The following SFTPC variants were observed in gnomAD, a reference collection of about 807,000 sequenced individuals.
SFTPC encodes the protein BRICHOS domain containing 6.
In SFTPC, 12 loss-of-function variants were observed where a neutral mutation model predicts 19.9. That is an observed-to-expected ratio of 0.60 (90% confidence interval 0.39 to 0.98). SFTPC has a LOEUF of 0.98. SFTPC is among the 50% of genes least tolerant of loss of function. The pLI, the probability that SFTPC is intolerant of heterozygous loss-of-function variation, is 0.00. For missense variants in SFTPC, 219 were observed against 252.2 expected (o/e 0.87, Z 0.89); for synonymous variants, 123 against 103.3 (o/e 1.19, Z -1.16).
upstream of SFTPC, chr8:22,158,928 C>T (rs1416165564): frequency 2.0e-5 from 3 of 152,238 alleles, no homozygotes; most frequent in African/African-American, 7.2e-5. Flanking sequence ...TCCTTTCTTT[C>T]CCAGGGCCCG....
Position 22,163,213 on chromosome 8 carries a change from C to T in SFTPC, c.324+11C>T. 1 of 1,614,132 alleles carries T rather than the reference C, an allele frequency of 6.2e-7. No individual in the cohort carries two copies. The highest frequency in any genetic ancestry group is 8.5e-7 in the Non-Finnish European group (1 of 1,180,004). ...TATGACTACCAGCAGGTGGGTATGC[C>T]CAGACCTCCTGACCCTGGGACCAAT... is the stretch of plus-strand genomic sequence containing the variant. On this transcript the variant is annotated intron_variant, in intron 3 of 5. Coordinates refer to ENST00000679463, the MANE Select transcript of SFTPC (RefSeq NM_001317778.2).
intron 2 of SFTPC, 32 bp downstream of exon 2, chr8:22,162,764 C>G (rs761336558): frequency 1.2e-6 from 2 of 1,613,158 alleles, no homozygotes; most frequent in Non-Finnish European, 1.7e-6. Context: ...GCAGTGGGCA[C>G]AGGACATGCC....
At chr8:22,161,946 C>T (rs1827746557) in intron 1 of SFTPC, 76 bp downstream of exon 1, 1 of 1,435,378 alleles carries the variant, frequency 7.0e-7, no homozygotes, top group Non-Finnish European at 9.8e-7. Context: ...CTCTATCCTC[C>T]CTGGCCTGTT....
upstream of SFTPC, among the ~76,000 whole-genome samples, chr8:22,159,299 TAAATA>T (rs1426457848): frequency 6.6e-6 from 1 of 151,902 alleles, no homozygotes; most frequent in Non-Finnish European, 1.5e-5. Context: ...AATAATTAAA[TAAATA>T]AAATAAAAAT....
Position 22,163,614 on chromosome 8 carries a change from G to C in SFTPC, c.435+68G>C, listed in dbSNP as rs1210180208. ...GGGCTGCTGGGAGGAGTGTCCGAAT[G>C]GTGGCTATTTGTCACCTGTAAAGCA... On this transcript the variant is annotated intron_variant, in intron 4 of 5. Transcript: ENST00000679463. 5.3e-6 allele frequency: 6 copies of C among 1,130,196 alleles called. No individual in the cohort carries two copies. The Admixed American group carries it at 5.3e-5, about 10-fold the overall frequency. The allele number at this position is 1,130,196 out of a possible 1,614,324, so 70.0% of individuals were successfully genotyped here. A position where few individuals can be genotyped will look rare whatever the true frequency, so the allele number is the denominator to read the frequency against.
At position 22,164,326 on chromosome 8, in the gene SFTPC, T is replaced by C. The variant is rs1393256438; in HGVS notation, c.*79T>C. 6.5e-7 allele frequency: 1 copy of C among 1,536,154 alleles called. No individual in the cohort carries two copies. Among genetic ancestry groups the C allele is most frequent in the Non-Finnish European group, 8.7e-7 (1 of 1,146,906 alleles). Reference sequence around the variant, plus strand: ...CGGGCAAAGGGTCTTTTGCAGCTTTTGCAGACGGGCAAGAAGCTGCTTCTG... The same window carrying C: ...CGGGCAAAGGGTCTTTTGCAGCTTTCGCAGACGGGCAAGAAGCTGCTTCTG... On this transcript the variant is annotated 3_prime_UTR_variant, in exon 6 of 6. Transcript: ENST00000679463.
upstream of SFTPC, chr8:22,159,577 A>C (rs1184855000): frequency 7.9e-6 from 3 of 379,994 alleles, no homozygotes; most frequent in Admixed American, 3.5e-5. Flanking sequence ...GAAGGAGAAG[A>C]AGCAGCAGCA....
At chr8:22,161,607 A>G (rs1827721190), upstream of SFTPC, 1 of 1,430,120 alleles carries the variant, frequency 7.0e-7, no homozygotes, top group Non-Finnish European at 9.3e-7. Flanking sequence ...TGGGGCCAAG[A>G]GGACTCATGT....
upstream of SFTPC, chr8:22,159,838 GGCTCAGGCCCAGT>G: frequency 7.8e-7 from 1 of 1,289,500 alleles, no homozygotes; most frequent in Non-Finnish European, 1.0e-6. Context: ...CTGCCCACCT[GGCTCAGGCCCAGT>G]ACTCGTGAGT....
chr8:22,163,921 G>A lies in SFTPC; in HGVS notation c.456G>A (p.Thr152=). The part of the protein sequence containing the change: ...HNFQAKPAVP[T]SKLGQAEGRD... ...TGCAGGCCAAGCCCGCAGTGCCTAC[G>A]TCTAAGCTGGGCCAGGCAGAGGGGC... The change falls in exon 5 of 6, where the codon ACG becomes ACA. Residue 152 remains threonine, a synonymous_variant. Coordinates refer to ENST00000679463, the MANE Select transcript of SFTPC (RefSeq NM_001317778.2). The A allele has an allele frequency of 6.2e-7, 1 of 1,613,940 alleles. No individual in the cohort carries two copies. Among genetic ancestry groups the A allele is most frequent in the Non-Finnish European group, 8.5e-7 (1 of 1,180,020 alleles).
At chr8:22,162,860 A>C (rs1346456306) in intron 2 of SFTPC, 128 bp downstream of exon 2, 1 of 1,399,608 alleles carries the variant, frequency 7.1e-7, no homozygotes, top group Non-Finnish European at 1.0e-6. Flanking sequence ...CTAGAAGGAA[A>C]GAGGCACGAA....
At chr8:22,158,146 A>G (rs1488895402), upstream of SFTPC, among the ~76,000 whole-genome samples, 1 of 152,200 alleles carries the variant, frequency 6.6e-6, no homozygotes. Context: ...CTTTTTGCAC[A>G]CCAGTCCAGG....
rs1042235353 is a variant in SFTPC, at chr8:22,163,933, C to T, written c.468C>T (p.Gly156=). ...CCGCAGTGCCTACGTCTAAGCTGGG[C>T]CAGGCAGAGGGGCGAGATGCAGGCT... ...AKPAVPTSKL[G]QAEGRDAGSA... Residue 156 remains glycine (G), a synonymous_variant, in exon 5 of 6, where the codon GGC becomes GGT. Transcript: ENST00000679463. 6.2e-7 allele frequency: 1 copy of T among 1,613,856 alleles called. No individual in the cohort carries two copies. Among genetic ancestry groups the T allele is most frequent in the Non-Finnish European group, 8.5e-7 (1 of 1,180,026 alleles).
chr8:22,163,964 C>T lies in SFTPC; in HGVS notation c.499C>T (p.Pro167Ser). ...AGAGGGGCGAGATGCAGGCTCAGCACCCTCCGGAGGGGACCCGGCCTTCCT... is the reference window on the plus strand; with the variant it reads ...AGAGGGGCGAGATGCAGGCTCAGCATCCTCCGGAGGGGACCCGGCCTTCCT... ...QAEGRDAGSA[P>S]SGGDPAFLGM... is the part of the protein sequence containing the mutation. The change falls in exon 5 of 6, where the codon CCC (proline) becomes TCC (serine). Residue 167 changes from proline (P) to serine (S), a missense_variant. Transcript: ENST00000679463. 1.2e-6 allele frequency: 2 copies of T among 1,613,304 alleles called. No homozygotes were observed. Among genetic ancestry groups the T allele is most frequent in the Admixed American group, 1.7e-5 (1 of 60,038 alleles).
chr8:22,164,060 G>A lies in SFTPC; in HGVS notation c.*18+1G>A, dbSNP rs752095125. ...CATCTAGGACGCCTCCGGTGAGCAG[G>A]TGTGATCCCAGGGCCCCTGATCAGC... On this transcript the variant is annotated splice_donor_variant, in intron 5 of 5. Transcript: ENST00000679463. LOFTEE classifies it low-confidence loss of function (3UTR_SPLICE). 1 of 1,611,760 alleles carries A rather than the reference G, an allele frequency of 6.2e-7. No individual in the cohort carries two copies. Among genetic ancestry groups the A allele is most frequent in the Non-Finnish European group, 8.5e-7 (1 of 1,179,990 alleles).
upstream of SFTPC, chr8:22,157,477 G>A (rs978857003): frequency 6.5e-6 from 1 of 154,616 alleles, no homozygotes; most frequent in African/African-American, 2.4e-5. Flanking sequence ...CCTCTCAATC[G>A]TTTGAGGCAG....
upstream of SFTPC, chr8:22,159,925 A>C: frequency 2.0e-6 from 1 of 492,198 alleles, no homozygotes; most frequent in South Asian, 1.6e-5. Context: ...GGGGGAGGGC[A>C]GGGGTGGGCA....
chr8:22,159,812 C>G (rs562103082), upstream of SFTPC: 1 of 1,289,424 alleles, frequency 7.8e-7, no homozygotes, highest in South Asian at 1.2e-5. Flanking sequence ...CAGTGCTTGG[C>G]TCTCCCGCTG....
rs1172658254 is a variant in SFTPC at position 22,162,680 on chromosome 8, T to C, written c.149T>C (p.Ile50Thr). Residue 50 changes from isoleucine to threonine, a missense_variant, in exon 2 of 6, where the codon ATT becomes ACT. By Grantham distance (89) the Ile-to-Thr change is moderately conservative (BLOSUM62 -1). Coordinates refer to ENST00000679463, the MANE Select transcript of SFTPC (RefSeq NM_001317778.2). ...VVVVVLIVVV[I>T]VGALLMGLHM... ...GTGGTGGTCCTCATCGTCGTGGTGA[T>C]TGTGGGAGCCCTGCTCATGGGTCTC... The C allele has an allele frequency of 1.2e-6, 2 of 1,614,090 alleles. No individual in the cohort carries two copies. The highest frequency in any genetic ancestry group is 1.1e-5 in the South Asian group (1 of 91,080).
Sources: gnomAD v4.1 joint callset for allele counts (sites outside exome capture counted in the v4.1 genomes callset) on GRCh38, gnomAD v4.1.1 for gene constraint, MANE v1.5 for transcripts, NCBI Gene and HGNC (gene_info 2026-07-23, HGNC 2026-07-21) for gene names.